KIF26B: variants seen among roughly 807,000 people sequenced by gnomAD.
KIF26B encodes kinesin family member 26B.
In KIF26B, 63 loss-of-function variants were observed where a neutral mutation model predicts 151.2. That is an observed-to-expected ratio of 0.42 (90% CI 0.34 to 0.51). The LOEUF (loss-of-function observed/expected upper bound fraction) is 0.51, where lower values mean the gene tolerates loss of function less well. Ranked by LOEUF, KIF26B falls within the 20% of genes least tolerant of loss-of-function variation. The probability of loss-of-function intolerance (pLI) is 0.07; values close to 1 mark genes in which losing one functional copy is unlikely to be tolerated. For synonymous variants in KIF26B, 1,357 were observed against 1,262.1 expected (o/e 1.08, Z -1.59); for missense variants, 2,813 against 2,913.6 (o/e 0.97, Z 0.79).
chr1:245,406,979 G>A (rs1013140826), intron 3 of KIF26B, among the ~76,000 whole-genome samples: 1 of 152,052 alleles, frequency 6.6e-6, no homozygotes, highest in African/African-American at 2.4e-5. Context: ...GTAGAGACAA[G>A]GTTTTACCAT....
Position 245,685,890 on chromosome 1 carries a change from G to T in KIF26B, c.2907G>T (p.Ala969=). 6.2e-7 allele frequency: 1 copy of T among 1,612,896 alleles called. No homozygotes were observed. Among genetic ancestry groups the T allele is most frequent in the Non-Finnish European group, 8.5e-7 (1 of 1,179,742 alleles). ...ASRGPRLSQA[A]GASPLSESDK... is the part of the protein sequence containing the mutation. ...GAGGCCCCCGGTTAAGCCAAGCAGC[G>T]GGGGCAAGCCCACTCTCTGAGTCTG... is the stretch of plus-strand genomic sequence containing the variant. Residue 969 remains alanine (A), a synonymous_variant, in exon 12 of 15, where the codon GCG becomes GCT. Transcript: ENST00000407071.
At position 245,452,761 on chromosome 1, in the gene KIF26B, T is replaced by C. The variant is rs186470630; in HGVS notation, c.1166+33016T>C. On this transcript the variant is annotated intron_variant, in intron 4 of 14. Transcript: ENST00000407071. ...TGAATATCTTCTTTGGAAAAAAAAG[T>C]CTATTCAAATCCTTCGTCCATTATC... Among the ~76,000 whole-genome samples, 4 of 152,280 alleles carry C rather than the reference T, an allele frequency of 2.6e-5. No homozygotes were observed. The East Asian group carries it at 7.7e-4, about 29-fold the overall frequency.
intron 2 of KIF26B, among the ~76,000 whole-genome samples, chr1:245,351,895 C>T (rs957456861): frequency 3.3e-5 from 5 of 152,158 alleles, no homozygotes; most frequent in African/African-American, 1.2e-4. Flanking sequence ...CCCAATTAGA[C>T]ACTTAATAAG....
intron 4 of KIF26B, among the ~76,000 whole-genome samples, chr1:245,530,084 A>C (rs1263046482): frequency 6.6e-6 from 1 of 152,282 alleles, no homozygotes; most frequent in East Asian, 1.9e-4. Flanking sequence ...GGTGCTCAAC[A>C]TCATTCATTG....
At position 245,377,111 on chromosome 1, in the gene KIF26B, C is replaced by A. The variant is rs1449365114; in HGVS notation, c.999+9744C>A. ...TGTACTTTTAGTAGAGACAGGGTTT[C>A]ACCATGTTGGTCAGGCTGGTCTTGA... is the stretch of plus-strand genomic sequence containing the variant. On this transcript the variant is annotated intron_variant, in intron 3 of 14. Coordinates refer to ENST00000407071, the MANE Select transcript of KIF26B (RefSeq NM_018012.4). Among the ~76,000 whole-genome samples, 3 of 152,306 alleles carry A rather than the reference C, an allele frequency of 2.0e-5. No homozygotes were observed. In the East Asian group the frequency reaches 5.8e-4, roughly 29 times the overall value.
intron 5 of KIF26B, among the ~76,000 whole-genome samples, chr1:245,573,930 A>G (rs1479900268): frequency 6.6e-6 from 1 of 152,200 alleles, no homozygotes; most frequent in Non-Finnish European, 1.5e-5. Context: ...AAATTTCATC[A>G]CACTACTCAG....
chr1:245,670,889 C>T (rs115844585), intron 10 of KIF26B, among the ~76,000 whole-genome samples: 9,287 of 152,108 alleles, frequency 0.061, 400 homozygotes, highest in Non-Finnish European at 0.088. Context: ...TACTTAAAAA[C>T]GTACAATTAA....
chr1:245,467,723 C>G (rs1027123707), intron 4 of KIF26B, among the ~76,000 whole-genome samples: 2 of 152,114 alleles, frequency 1.3e-5, no homozygotes, highest in African/African-American at 4.8e-5. Context: ...GGTGAAACCC[C>G]ATCTCTACTA....
chr1:245,302,943 C>T (rs1212547860), intron 2 of KIF26B, among the ~76,000 whole-genome samples: 18 of 120,860 alleles, frequency 1.5e-4, no homozygotes, highest in Middle Eastern at 7.7e-3. Flanking sequence ...GAGCCAAGAT[C>T]GTGCCATTGT....
rs1016210277 is a variant in KIF26B at position 245,241,550 on chromosome 1, G to A, written c.465+84867G>A. Reference sequence around the variant, plus strand: ...CCCAGGTGCCTTACAGGTCACAGTCGAGGGCCTTCTTAAAAGCTGGCCCAA... The same window carrying A: ...CCCAGGTGCCTTACAGGTCACAGTCAAGGGCCTTCTTAAAAGCTGGCCCAA... On this transcript the variant is annotated intron_variant, in intron 2 of 14. Transcript: ENST00000407071. The surrounding 1 kb of genome is among the most constrained non-coding windows in gnomAD (Gnocchi z 5.0). 1.3e-5 allele frequency among the ~76,000 whole-genome samples: 2 copies of A among 152,206 alleles called. No homozygotes were observed. Among genetic ancestry groups the A allele is most frequent in the Non-Finnish European group, 2.9e-5 (2 of 68,022 alleles).
At chr1:245,419,827 A>T in intron 4 of KIF26B, 82 bp downstream of exon 4, 1 of 1,299,490 alleles carries the variant, frequency 7.7e-7, no homozygotes, top group Non-Finnish European at 1.1e-6. Flanking sequence ...CAGCTGAAAC[A>T]CTAGAAAGAG....
chr1:245,477,532 C>T (rs995723130), intron 4 of KIF26B, among the ~76,000 whole-genome samples: 2 of 151,706 alleles, frequency 1.3e-5, no homozygotes, highest in African/African-American at 4.8e-5. Flanking sequence ...AGCGCAGGTA[C>T]GGAAGTGGAA....
chr1:245,365,113 G>A (rs1148917), intron 2 of KIF26B, among the ~76,000 whole-genome samples: 36,567 of 152,126 alleles, frequency 0.24, 5,696 homozygotes, highest in Admixed American at 0.34. Context: ...CTGAGGTGAC[G>A]CTCTGTTCTG....
chr1:245,242,459 A>T (rs1016642070), intron 2 of KIF26B, among the ~76,000 whole-genome samples: 2 of 152,224 alleles, frequency 1.3e-5, no homozygotes, highest in Non-Finnish European at 2.9e-5. Context: ...TTTGAGCTAG[A>T]TATTCTACCT....
chr1:245,482,277 A>AT (rs1329069200), intron 4 of KIF26B, among the ~76,000 whole-genome samples: 10 of 122,522 alleles, frequency 8.2e-5, no homozygotes, highest in African/African-American at 3.9e-4. Flanking sequence ...TTTTTAGTAG[A>AT]CGGGGTTTCA....
chr1:245,668,877 G>T (rs957479968), intron 10 of KIF26B, among the ~76,000 whole-genome samples: 3 of 152,070 alleles, frequency 2.0e-5, no homozygotes, highest in Non-Finnish European at 4.4e-5. Context: ...TTTTAGTAGA[G>T]ATGGGGTTTC....
At chr1:245,237,079 G>A (rs1670124374) in intron 2 of KIF26B, among the ~76,000 whole-genome samples, 1 of 152,216 alleles carries the variant, frequency 6.6e-6, no homozygotes, top group African/African-American at 2.4e-5. Context: ...GGTGTCTTCA[G>A]CAGCACACTG....
chr1:245,401,643 C>A (rs1022925945), intron 3 of KIF26B, among the ~76,000 whole-genome samples: 2 of 152,092 alleles, frequency 1.3e-5, no homozygotes, highest in Non-Finnish European at 2.9e-5. Context: ...CCGAGGCGGG[C>A]GGATTGCTTG....
chr1:245,229,280 C>A (rs1669942446), intron 2 of KIF26B, among the ~76,000 whole-genome samples: 1 of 152,072 alleles, frequency 6.6e-6, no homozygotes, highest in African/African-American at 2.4e-5. Context: ...CCGGATTTAT[C>A]TTACCCATGT....
Sources: gnomAD v4.1 joint callset for allele counts (sites outside exome capture counted in the v4.1 genomes callset) on GRCh38, gnomAD v4.1.1 for gene constraint, Gnocchi (gnomAD v3.1) non-coding constraint, MANE v1.5 for transcripts, NCBI Gene and HGNC (gene_info 2026-07-23, HGNC 2026-07-21) for gene names.